SH3D19: variants seen among roughly 807,000 people sequenced by gnomAD.
SH3D19 encodes the protein SH3 domain containing 19, also known as SH3 domain-containing protein 19.
A neutral mutation model predicts 112.1 loss-of-function variants in SH3D19; 58 were observed. The observed-to-expected ratio is 0.52, with a 90% confidence interval of 0.42 to 0.64. The LOEUF (loss-of-function observed/expected upper bound fraction) is 0.64. Among genes scored for constraint, SH3D19 ranks in the 30% least tolerant of loss-of-function variants. The pLI is 0.00. For synonymous variants in SH3D19, 391 were observed against 448.5 expected, an observed-to-expected ratio of 0.87 and a Z score of 1.62; for missense variants, 1,090 against 1,263.4, an observed-to-expected ratio of 0.86 and a Z score of 2.08.
intron 14 of SH3D19, among the ~76,000 whole-genome samples, chr4:151,136,648 T>C (rs995769170): frequency 3.3e-5 from 5 of 152,242 alleles, no homozygotes; most frequent in Non-Finnish European, 7.3e-5. Context: ...ATAACACTTA[T>C]ACCAATAATG....
chr4:151,277,406 T>TAC (rs1200451617), intron 1 of SH3D19, among the ~76,000 whole-genome samples: 68 of 151,976 alleles, frequency 4.5e-4, no homozygotes, highest in Non-Finnish European at 1.0e-4. Flanking sequence ...GAAATAGCAG[T>TAC]ACACACACAC....
chr4:151,280,652 G>C (rs145363624), intron 1 of SH3D19, among the ~76,000 whole-genome samples: 1,560 of 152,226 alleles, frequency 0.01, 21 homozygotes, highest in Middle Eastern at 0.014. Context: ...TAAGCCAGGT[G>C]TGGCAGCTTG....
chr4:151,155,320 C>A (rs983412126), intron 9 of SH3D19, among the ~76,000 whole-genome samples: 1 of 152,126 alleles, frequency 6.6e-6, no homozygotes, highest in African/African-American at 2.4e-5. Context: ...AGTTTATTAC[C>A]AGCTACTTTG....
At chr4:151,243,285 G>C (rs2149969595) in intron 1 of SH3D19, among the ~76,000 whole-genome samples, 1 of 152,300 alleles carries the variant, frequency 6.6e-6, no homozygotes, top group South Asian at 2.1e-4. Flanking sequence ...TATCTAAATT[G>C]AGAGTACTCT....
At chr4:151,177,714 C>A (rs1182221052) in intron 4 of SH3D19, among the ~76,000 whole-genome samples, 5 of 152,202 alleles carry the variant, frequency 3.3e-5, no homozygotes, top group African/African-American at 4.8e-5. Flanking sequence ...AGAATATCCT[C>A]TTCTGCCTTA....
chr4:151,174,878 T>C lies in SH3D19; in HGVS notation c.1326A>G (p.Lys442=). Residue 442 remains lysine, a synonymous_variant, in exon 7 of 20, where the codon AAA becomes AAG. Transcript: ENST00000604030. ...CGAGTCGGGGAGGAACAGTGACAGG[T>C]TTCAGTGGAGCTGAAGGGTAGGTGG... is the stretch of plus-strand genomic sequence containing the variant. ...ENPTYPSAPL[K]PVTVPPRLAG... 1 of 1,610,556 alleles carries C rather than the reference T, an allele frequency of 6.2e-7. No homozygotes were observed. The highest frequency in any genetic ancestry group is 1.3e-5 in the African/African-American group (1 of 74,906).
chr4:151,133,519 C>T (rs1327899382), intron 15 of SH3D19, among the ~76,000 whole-genome samples: 4 of 152,116 alleles, frequency 2.6e-5, no homozygotes, highest in Admixed American at 6.6e-5. Flanking sequence ...CCCCAGTCTC[C>T]GTATGTTTGT....
chr4:151,260,600 G>T (rs1413846712), intron 1 of SH3D19, among the ~76,000 whole-genome samples: 1 of 152,102 alleles, frequency 6.6e-6, no homozygotes, highest in Non-Finnish European at 1.5e-5. Flanking sequence ...ACCAAAAAAT[G>T]ACTTTTTAAA....
At chr4:151,155,879 ACT>A (rs1179577975) in intron 9 of SH3D19, among the ~76,000 whole-genome samples, 1 of 152,064 alleles carries the variant, frequency 6.6e-6, no homozygotes, top group East Asian at 1.9e-4. Flanking sequence ...ACAGAGCGAG[ACT>A]CTGTCTCAAA....
chr4:151,196,561 A>G (rs1380515266), intron 2 of SH3D19, among the ~76,000 whole-genome samples: 1 of 151,936 alleles, frequency 6.6e-6, no homozygotes, highest in Non-Finnish European at 1.5e-5. Context: ...TATTTATAGT[A>G]TTAGTTTTTT....
At chr4:151,278,159 A>G (rs910508778) in intron 1 of SH3D19, among the ~76,000 whole-genome samples, 4 of 152,252 alleles carry the variant, frequency 2.6e-5, no homozygotes, top group African/African-American at 9.6e-5. Flanking sequence ...AAAAGTAAAC[A>G]GCTTGCAACC....
chr4:151,202,943 C>T (rs1051847074), intron 2 of SH3D19, among the ~76,000 whole-genome samples: 2 of 152,104 alleles, frequency 1.3e-5, no homozygotes, highest in African/African-American at 2.4e-5. Flanking sequence ...ACAACTGTTT[C>T]GGTCTAAGTT....
chr4:151,157,465 G>T (rs1298180222), intron 9 of SH3D19, among the ~76,000 whole-genome samples: 1 of 150,448 alleles, frequency 6.6e-6, no homozygotes, highest in Non-Finnish European at 1.5e-5. Flanking sequence ...ATGCAGAGAA[G>T]GGTGAACTCT....
intron 3 of SH3D19, 74 bp from the exon 4 acceptor site, chr4:151,179,471 C>A: frequency 3.6e-6 from 3 of 823,250 alleles, no homozygotes; most frequent in Non-Finnish European, 4.9e-6. Flanking sequence ...TTACAAAGTA[C>A]ACAATTGGAA....
intron 11 of SH3D19, among the ~76,000 whole-genome samples, chr4:151,146,625 C>A (rs888910521): frequency 2.0e-5 from 3 of 152,142 alleles, no homozygotes; most frequent in Admixed American, 2.0e-4. Context: ...CTCTGCCTCC[C>A]GGGTTCAAGC....
At chr4:151,270,110 G>A (rs1360412299) in intron 1 of SH3D19, among the ~76,000 whole-genome samples, 1 of 151,654 alleles carries the variant, frequency 6.6e-6, no homozygotes, top group Non-Finnish European at 1.5e-5. Context: ...ATGATTAAAA[G>A]TATAGCATAA....
In SH3D19 at chr4:151,325,339, C is replaced by T. The variant is rs962823502; in HGVS notation, c.14G>A (p.Arg5Gln). The T allele has an allele frequency of 7.4e-6, 9 of 1,214,156 alleles. No individual in the cohort carries two copies. Among genetic ancestry groups the T allele is most frequent in the Admixed American group, 4.3e-5 (1 of 23,042 alleles). 75.2% of individuals were successfully genotyped at this position (1,214,156 alleles called of 1,614,324 possible). The change falls in exon 1 of 20, where the codon CGG becomes CAG. Residue 5 changes from arginine to glutamine, a missense_variant. Coordinates refer to ENST00000604030, the MANE Select transcript of SH3D19 (RefSeq NM_001378122.1). ...CTCTTCCTCCTCGTCCTCCCGCCGC[C>T]GGCCCTCAGCCATGGGCGAGGCGCG... MAEG[R>Q]RREDEEEELR... is the part of the protein sequence containing the mutation.
chr4:151,192,321 T>C (rs1580072607), intron 2 of SH3D19, among the ~76,000 whole-genome samples: 1 of 152,296 alleles, frequency 6.6e-6, no homozygotes, highest in South Asian at 2.1e-4. Context: ...ATTGTTTCCT[T>C]ATCTGTAATA....
intron 1 of SH3D19, among the ~76,000 whole-genome samples, chr4:151,306,824 T>C (rs1484632905): frequency 1.3e-5 from 2 of 152,216 alleles, no homozygotes; most frequent in Admixed American, 1.3e-4. Flanking sequence ...GGTAACCACC[T>C]TTTTCCAACT....
Sources: gnomAD v4.1 joint callset for allele counts (sites outside exome capture counted in the v4.1 genomes callset) on GRCh38, gnomAD v4.1.1 for gene constraint, MANE v1.5 for transcripts, NCBI Gene and HGNC (gene_info 2026-07-23, HGNC 2026-07-21) for gene names.